The following SPMIP6 variants were observed in gnomAD, a reference collection of about 807,000 sequenced individuals.
SPMIP6 encodes the protein ciliated bronchial epithelial protein 1.
the SPMIP6 span, chr9:34,385,853 A>T: frequency 1.3e-6 from 2 of 1,490,136 alleles, no homozygotes; most frequent in Non-Finnish European, 1.8e-6. Flanking sequence ...CTGGAACTAG[A>T]TCCAGCCTCT....
At chr9:34,389,826 T>C in the SPMIP6 span, 1 of 152,238 alleles carries the variant, frequency 6.6e-6, no homozygotes, top group South Asian at 2.1e-4. Context: ...TTTTTGATGC[T>C]AGAATGATGT....
chr9:34,395,422 T>A, the SPMIP6 span, among the ~76,000 whole-genome samples: 2 of 152,232 alleles, frequency 1.3e-5, no homozygotes, highest in Admixed American at 1.3e-4. Flanking sequence ...TCTTTATTGG[T>A]TTATCTTTGA....
At chr9:34,381,042 G>A in the SPMIP6 span, 3 of 1,611,784 alleles carry the variant, frequency 1.9e-6, no homozygotes, top group South Asian at 3.3e-5. This position sits in a 1 kb window ranked among gnomAD's most constrained non-coding sequence, Gnocchi z 4.4. Context: ...CGGCCGGGCA[G>A]CGGGTCCACG....
the SPMIP6 span, among the ~76,000 whole-genome samples, chr9:34,396,326 T>A: frequency 6.6e-6 from 1 of 152,186 alleles, no homozygotes; most frequent in Admixed American, 6.5e-5. Flanking sequence ...TAAATTATTT[T>A]AAAAATTCTC....
At chr9:34,387,301 C>T in the SPMIP6 span, among the ~76,000 whole-genome samples, 4 of 152,114 alleles carry the variant, frequency 2.6e-5, no homozygotes, top group Non-Finnish European at 5.9e-5. Flanking sequence ...ACACCTGGCC[C>T]TTCTCTTGGC....
the SPMIP6 span, among the ~76,000 whole-genome samples, chr9:34,391,647 A>G: frequency 6.6e-6 from 1 of 152,162 alleles, no homozygotes; most frequent in African/African-American, 2.4e-5. Flanking sequence ...GTGGTTTTCA[A>G]AATTTTAAAC....
the SPMIP6 span, chr9:34,385,710 C>T: frequency 6.2e-6 from 10 of 1,613,770 alleles, no homozygotes; most frequent in Non-Finnish European, 8.5e-6. Flanking sequence ...AAGTGTAGTC[C>T]TGTACAGCAC....
At chr9:34,391,748 A>T in the SPMIP6 span, among the ~76,000 whole-genome samples, 1 of 152,174 alleles carries the variant, frequency 6.6e-6, no homozygotes, top group African/African-American at 2.4e-5. Flanking sequence ...TGTCAATCTT[A>T]GAATTCTGTT....
chr9:34,381,304 C>A, the SPMIP6 span: 10 of 1,608,420 alleles, frequency 6.2e-6, no homozygotes, highest in Admixed American at 5.0e-5. The surrounding 1 kb of genome is among the most constrained non-coding windows in gnomAD (Gnocchi z 4.4). Flanking sequence ...CCCATCCCGC[C>A]CTCCTCCCGG....
chr9:34,381,718 A>G, the SPMIP6 span: 9 of 1,336,540 alleles, frequency 6.7e-6, no homozygotes. This position sits in a 1 kb window ranked among gnomAD's most constrained non-coding sequence, Gnocchi z 4.4. Flanking sequence ...CTTTGATTTT[A>G]CCCCTCTTTG....
the SPMIP6 span, chr9:34,397,557 T>C: frequency 5.6e-6 from 9 of 1,613,536 alleles, no homozygotes; most frequent in Non-Finnish European, 7.6e-6. Flanking sequence ...ATAGACCTCC[T>C]TGATGGAGGT....
the SPMIP6 span, among the ~76,000 whole-genome samples, chr9:34,396,264 GTTATCTGCA>G: frequency 1.3e-5 from 2 of 152,174 alleles, no homozygotes; most frequent in South Asian, 4.2e-4. Context: ...GCTTCTCTGA[GTTATCTGCA>G]TTTTCTACAT....
the SPMIP6 span, among the ~76,000 whole-genome samples, chr9:34,382,035 A>T: frequency 1.3e-5 from 2 of 152,038 alleles, no homozygotes; most frequent in African/African-American, 4.8e-5. Context: ...TGCTCACATC[A>T]CAAAGGAGGA....
At chr9:34,394,183 T>C in the SPMIP6 span, among the ~76,000 whole-genome samples, 1 of 152,102 alleles carries the variant, frequency 6.6e-6, no homozygotes, top group Non-Finnish European at 1.5e-5. Context: ...TGAGATGGAG[T>C]CTTGCTCTGT....
the SPMIP6 span, among the ~76,000 whole-genome samples, chr9:34,384,993 G>A: frequency 3.3e-5 from 5 of 152,098 alleles, no homozygotes; most frequent in African/African-American, 1.2e-4. Context: ...CAGGATGGCT[G>A]GGAAGATGGG....
At chr9:34,387,861 T>C in the SPMIP6 span, among the ~76,000 whole-genome samples, 1 of 152,242 alleles carries the variant, frequency 6.6e-6, no homozygotes, top group African/African-American at 2.4e-5. Context: ...GTCTTTCCTC[T>C]TGGCTGATGA....
At chr9:34,382,833 C>T in the SPMIP6 span, 3 of 1,614,080 alleles carry the variant, frequency 1.9e-6, no homozygotes, top group Non-Finnish European at 2.5e-6. Context: ...TGTGTTGTAC[C>T]AGTCACTGCC....
At chr9:34,390,186 T>C in the SPMIP6 span, 1 of 152,164 alleles carries the variant, frequency 6.6e-6, no homozygotes, top group African/African-American at 2.4e-5. Context: ...CAATGCTGAA[T>C]AGAAGTAGTG....
chr9:34,393,645 C>G, the SPMIP6 span, among the ~76,000 whole-genome samples: 1 of 152,034 alleles, frequency 6.6e-6, no homozygotes, highest in East Asian at 1.9e-4. Flanking sequence ...AAATTCTGAG[C>G]CTTTTTCTTT....
Sources: allele counts gnomAD v4.1 joint callset (sites outside exome capture counted in the v4.1 genomes callset), GRCh38; gene constraint gnomAD v4.1.1; non-coding constraint Gnocchi (gnomAD v3.1); transcripts MANE v1.5; gene names NCBI Gene and HGNC (gene_info 2026-07-23, HGNC 2026-07-21).